The following DDX46 variants were observed in gnomAD, a reference collection of about 807,000 sequenced individuals.
The protein encoded by DDX46 is probable ATP-dependent RNA helicase DDX46.
DDX46 carries 30 observed loss-of-function variants against 134.9 expected under a neutral mutation model. The ratio of observed to expected loss-of-function variants is 0.22; its 90% CI spans 0.17 to 0.30. The LOEUF is 0.30. Among genes scored for constraint, DDX46 ranks in the 10% least tolerant of loss-of-function variants. The probability of loss-of-function intolerance (pLI) is 1.00; values close to 1 mark genes in which losing one functional copy is unlikely to be tolerated. For synonymous variants in DDX46, 415 were observed against 404.1 expected, an observed-to-expected ratio of 1.03 and a Z score of -0.32; for missense variants, 622 against 1,248.7, an observed-to-expected ratio of 0.50 and a Z score of 7.56.
intron 15 of DDX46, chr5:134,804,840 A>G (rs1378892061): frequency 7.2e-6 from 3 of 417,616 alleles, no homozygotes; most frequent in East Asian, 5.9e-5. Context: ...GTTCCTTGAT[A>G]AGGAAAGCAT....
At chr5:134,783,210 A>T (rs576493266) in intron 9 of DDX46, 145 bp downstream of exon 9, 18 of 1,151,034 alleles carry the variant, frequency 1.6e-5, no homozygotes, top group Admixed American at 5.1e-5. Context: ...TATATATCAA[A>T]ATTTACCCTT....
At chr5:134,806,308 G>A (rs1046924240) in intron 15 of DDX46, among the ~76,000 whole-genome samples, 12 of 151,996 alleles carry the variant, frequency 7.9e-5, no homozygotes, top group East Asian at 7.7e-4. Context: ...GATTAGGCCC[G>A]TCTCTCATTT....
At chr5:134,773,911 T>A (rs1402001752) in intron 5 of DDX46, 50 bp downstream of exon 5, 3 of 1,452,386 alleles carry the variant, frequency 2.1e-6, no homozygotes, top group Non-Finnish European at 9.2e-7. Context: ...TAGAATATTA[T>A]ATGAATAATA....
intron 11 of DDX46, among the ~76,000 whole-genome samples, chr5:134,786,014 A>G (rs1323432849): frequency 6.6e-6 from 1 of 151,934 alleles, no homozygotes; most frequent in Admixed American, 6.6e-5. Flanking sequence ...ACGCCTGGCT[A>G]ATTTTTGTAT....
intron 6 of DDX46, among the ~76,000 whole-genome samples, chr5:134,780,015 C>T (rs1405323581): frequency 6.6e-6 from 1 of 151,582 alleles, no homozygotes; most frequent in Non-Finnish European, 1.5e-5. Context: ...AGGGGAATAG[C>T]TTGAACTGGG....
chr5:134,789,056 A>G (rs1031578915), intron 12 of DDX46, among the ~76,000 whole-genome samples: 1 of 152,078 alleles, frequency 6.6e-6, no homozygotes, highest in Non-Finnish European at 1.5e-5. Context: ...ATGAGCTAGT[A>G]TTTTCTTAGA....
At position 134,758,885 on chromosome 5, in the gene DDX46, C is replaced by A; in HGVS notation, c.-54C>A. On this transcript the variant is annotated 5_prime_UTR_variant, in exon 1 of 23. Transcript: ENST00000452510. ...AGGGCAGCTCAGCCTCCTTGTTTGT[C>A]CGGTTCGCCTGTGCGTGGTACTCAA... is the stretch of plus-strand genomic sequence containing the variant. 1 of 1,613,716 alleles carries A rather than the reference C, an allele frequency of 6.2e-7. No individual in the cohort carries two copies. Among genetic ancestry groups the A allele is most frequent in the South Asian group, 1.1e-5 (1 of 91,072 alleles).
chr5:134,818,074 C>T (rs572303871), intron 20 of DDX46, among the ~76,000 whole-genome samples: 25 of 151,698 alleles, frequency 1.6e-4, no homozygotes, highest in East Asian at 1.4e-3. Flanking sequence ...CTCAGCCTCG[C>T]GAGTAGCTGG....
At chr5:134,783,232 A>G (rs1754211051) in intron 9 of DDX46, among the ~76,000 whole-genome samples, 167 bp downstream of exon 9, 1 of 151,760 alleles carries the variant, frequency 6.6e-6, no homozygotes, top group South Asian at 2.1e-4. Context: ...AAATTATACA[A>G]CTGGTTTTTT....
intron 14 of DDX46, among the ~76,000 whole-genome samples, chr5:134,795,297 A>G (rs1754623284): frequency 6.8e-6 from 1 of 147,948 alleles, no homozygotes; most frequent in African/African-American, 2.5e-5. Flanking sequence ...GCTGTAGTGC[A>G]CTATGCCTAT....
Position 134,829,698 on chromosome 5 carries a change from A to G in DDX46, c.*992A>G, listed in dbSNP as rs1364137670. Reference sequence around the variant, plus strand: ...TTTGAGGCTGGGCGCAGTGACTCACACCTGTATCCCAGCAATTTGGGAGGC... The same window carrying G: ...TTTGAGGCTGGGCGCAGTGACTCACGCCTGTATCCCAGCAATTTGGGAGGC... On this transcript the variant is annotated 3_prime_UTR_variant, in exon 23 of 23. Coordinates refer to ENST00000452510, the MANE Select transcript of DDX46 (RefSeq NM_001300860.2). 1 of 152,044 alleles carries G rather than the reference A, an allele frequency of 6.6e-6. No individual in the cohort carries two copies. The highest frequency in any genetic ancestry group is 2.4e-5 in the African/African-American group (1 of 41,398). The allele number at this position is 152,044 out of a possible 1,614,324, so 9.4% of individuals were successfully genotyped here.
chr5:134,800,794 G>A (rs1443081536), intron 15 of DDX46, among the ~76,000 whole-genome samples: 1 of 152,112 alleles, frequency 6.6e-6, no homozygotes. Context: ...TCCTGCCTCA[G>A]CCTCCTAAGT....
chr5:134,777,860 CT>C, intron 6 of DDX46, 135 bp downstream of exon 6: 1 of 1,065,116 alleles, frequency 9.4e-7, no homozygotes, highest in Non-Finnish European at 1.3e-6. Context: ...GATGGCAGTA[CT>C]TTTTCTGAGT....
intron 8 of DDX46, among the ~76,000 whole-genome samples, chr5:134,782,502 T>C (rs1754185287): frequency 6.6e-6 from 1 of 151,510 alleles, no homozygotes; most frequent in African/African-American, 2.4e-5. Context: ...ATAAAAAAAA[T>C]TGTTGGTTTT....
intron 18 of DDX46, 133 bp downstream of exon 18, chr5:134,811,978 G>T (rs1755157895): frequency 3.0e-6 from 3 of 1,008,776 alleles, no homozygotes; most frequent in Admixed American, 3.3e-5. Flanking sequence ...AACAGTTTTG[G>T]AAAATCTGCC....
At chr5:134,763,618 C>A (rs1322811028) in intron 1 of DDX46, among the ~76,000 whole-genome samples, 1 of 152,086 alleles carries the variant, frequency 6.6e-6, no homozygotes, top group Admixed American at 6.6e-5. Context: ...CACTTGTCTG[C>A]CGTCTTTTCC....
At chr5:134,774,694 C>G (rs1292342507) in intron 5 of DDX46, among the ~76,000 whole-genome samples, 1 of 151,946 alleles carries the variant, frequency 6.6e-6, no homozygotes, top group African/African-American at 2.4e-5. Context: ...TCTGATTTTT[C>G]TTTTCTTTTT....
chr5:134,775,914 G>A (rs887243068), intron 5 of DDX46, among the ~76,000 whole-genome samples: 4 of 152,118 alleles, frequency 2.6e-5, no homozygotes, highest in Non-Finnish European at 5.9e-5. Context: ...CAACTTGGTA[G>A]CTAAGCACAC....
At chr5:134,817,475 C>T in intron 19 of DDX46, 21 bp from the exon 20 acceptor site, 1 of 1,606,920 alleles carries the variant, frequency 6.2e-7, no homozygotes. Context: ...TGAGATTTAA[C>T]TAAGTCTTCT....
Sources: allele counts gnomAD v4.1 joint callset (sites outside exome capture counted in the v4.1 genomes callset), GRCh38; gene constraint gnomAD v4.1.1; transcripts MANE v1.5; gene names NCBI Gene and HGNC (gene_info 2026-07-23, HGNC 2026-07-21).